Variants in COL4A2 observed in about 807,000 individuals in gnomAD.
The protein encoded by COL4A2 is collagen type IV alpha 2 chain.
A neutral mutation model predicts 200.2 loss-of-function variants in COL4A2; 99 were observed. The ratio of observed to expected loss-of-function variants is 0.49; its 90% CI spans 0.42 to 0.58. The LOEUF is 0.58. Ranked by LOEUF, COL4A2 falls within the 20% of genes least tolerant of loss-of-function variation. The probability of loss-of-function intolerance (pLI) is 0.00; values close to 1 mark genes in which losing one functional copy is unlikely to be tolerated. For synonymous variants in COL4A2, 897 were observed against 900.6 expected (o/e 1.00, Z 0.07); for missense variants, 1,950 against 2,314.1 (o/e 0.84, Z 3.23).
At chr13:110,481,138 C>T (rs34937623) in intron 31 of COL4A2, among the ~76,000 whole-genome samples, 205 of 9,976 alleles carry the variant, frequency 0.021, 53 homozygotes, top group Middle Eastern at 0.083. Context: ...AGTTCTGTCC[C>T]TCCATTGCTG....
rs531544123 is a variant in COL4A2, at chr13:110,343,133, C to T, written c.100-14339C>T. The stretch of plus-strand genomic sequence containing the variant: ...TCTTTGCAACTTCATACTGCAGTGA[C>T]TGTGTGTGTGGTCTCTGATTGTCCA... On this transcript the variant is annotated intron_variant, in intron 3 of 47. Transcript: ENST00000360467. Among the ~76,000 whole-genome samples the T allele has an allele frequency of 8.5e-5, 13 of 152,270 alleles. No homozygotes were observed. The South Asian group carries it at 2.5e-3, about 29-fold the overall frequency.
chr13:110,485,554 A>G lies in COL4A2; in HGVS notation c.3026-101A>G. Reference sequence around the variant, plus strand: ...AAAAAAAAAAAAAAAAAAGATTCACAGCACGTAGGACAGCAAAATGCATCC... The same window carrying G: ...AAAAAAAAAAAAAAAAAAGATTCACGGCACGTAGGACAGCAAAATGCATCC... On this transcript the variant is annotated intron_variant, in intron 33 of 47. Transcript: ENST00000360467. 2 of 647,216 alleles carry G rather than the reference A, an allele frequency of 3.1e-6. 1 individual carries two copies. The highest frequency in any genetic ancestry group is 4.9e-5 in the South Asian group (2 of 40,888). The allele number at this position is 647,216 out of a possible 1,614,324, so 40.1% of individuals were successfully genotyped here. A position where few individuals can be genotyped will look rare whatever the true frequency, so the allele number is the denominator to read the frequency against.
At chr13:110,398,230 C>A (rs1252157825) in intron 4 of COL4A2, among the ~76,000 whole-genome samples, 2 of 151,516 alleles carry the variant, frequency 1.3e-5, no homozygotes, top group Non-Finnish European at 2.9e-5. Flanking sequence ...GAAATGTATT[C>A]AAGTGCAACT....
intron 4 of COL4A2, among the ~76,000 whole-genome samples, chr13:110,401,849 G>T (rs1879382639): frequency 6.6e-6 from 1 of 152,142 alleles, no homozygotes; most frequent in Non-Finnish European, 1.5e-5. Context: ...TGAGATCCAG[G>T]ATTCATAGAT....
In COL4A2 at chr13:110,307,727, G is replaced by A. The variant is rs1209436427; in HGVS notation, c.-44-133G>A. On this transcript the variant is annotated intron_variant, in intron 1 of 47. Transcript: ENST00000360467. This position sits in a 1 kb window ranked among gnomAD's most constrained non-coding sequence, Gnocchi z 5.0. ...TCTCCTTCTTTCCGGGTCGTGGGGG[G>A]GACGGCCCTCCGGTCACCCCTGCAT... The A allele has an allele frequency of 1.2e-6, 1 of 809,874 alleles. No homozygotes were observed. Among genetic ancestry groups the A allele is most frequent in the East Asian group, 2.8e-5 (1 of 36,284 alleles). The allele number at this position is 809,874 out of a possible 1,614,324, so 50.2% of individuals were successfully genotyped here. A position where few individuals can be genotyped will look rare whatever the true frequency, so the allele number is the denominator to read the frequency against.
chr13:110,452,226 C>T (rs1194518456), intron 20 of COL4A2, among the ~76,000 whole-genome samples: 18 of 152,190 alleles, frequency 1.2e-4, no homozygotes, highest in Admixed American at 1.1e-3. Context: ...CTCCGCCTCC[C>T]GGGTTCGTTC....
intron 4 of COL4A2, among the ~76,000 whole-genome samples, chr13:110,395,003 C>A (rs7326145): frequency 0.31 from 46,027 of 149,032 alleles, 7,107 homozygotes; most frequent in East Asian, 0.47. Flanking sequence ...TAGGGTGCAG[C>A]ACGTCTCCGG....
chr13:110,483,399 A>G (rs1181003958), intron 32 of COL4A2, among the ~76,000 whole-genome samples: 1 of 152,370 alleles, frequency 6.6e-6, no homozygotes, highest in South Asian at 2.1e-4. Context: ...TTCTACTCCT[A>G]GATGAAGATC....
At chr13:110,426,920 A>C (rs900293952) in intron 6 of COL4A2, among the ~76,000 whole-genome samples, 6 of 89,156 alleles carry the variant, frequency 6.7e-5, no homozygotes, top group Admixed American at 6.3e-4. Flanking sequence ...CCAGCTCTGC[A>C]AACAGATCGA....
At position 110,478,069 on chromosome 13, in the gene COL4A2, A is replaced by G. The variant is rs1467033339; in HGVS notation, c.2492A>G (p.Gln831Arg). 6.2e-7 allele frequency: 1 copy of G among 1,608,224 alleles called. No individual in the cohort carries two copies. The highest frequency in any genetic ancestry group is 2.2e-5 in the East Asian group (1 of 44,728). ...CCAGGCCTCCCAGGACCTTCCGGCC[A>G]GCCAGGCCTGTATGGGCCTCCAGGA... The part of the protein sequence containing the change: ...GQPGLPGPSG[Q>R]PGLYGPPGLH... Residue 831 changes from glutamine (Q) to arginine (R), a missense_variant, in exon 30 of 48, where the codon CAG (glutamine) becomes CGG (arginine). Coordinates refer to ENST00000360467, the MANE Select transcript of COL4A2 (RefSeq NM_001846.4).
At chr13:110,363,981 G>A (rs927223400) in intron 4 of COL4A2, among the ~76,000 whole-genome samples, 10 of 152,188 alleles carry the variant, frequency 6.6e-5, no homozygotes, top group Admixed American at 1.3e-4. Context: ...GATTATAGGC[G>A]TGAGCCACTG....
chr13:110,369,398 T>C (rs1289544512), intron 4 of COL4A2, among the ~76,000 whole-genome samples: 2 of 152,136 alleles, frequency 1.3e-5, no homozygotes, highest in East Asian at 3.9e-4. Flanking sequence ...TTAGGGTTGC[T>C]CAACCAGTAA....
chr13:110,379,757 C>A (rs545636924), intron 4 of COL4A2, among the ~76,000 whole-genome samples: 2 of 152,262 alleles, frequency 1.3e-5, no homozygotes, highest in African/African-American at 2.4e-5. Context: ...GTTGATGAGC[C>A]CCCCACTCCC....
rs62621885 is a variant in COL4A2 at position 110,430,425 on chromosome 13, G to T, written c.574G>T (p.Val192Phe). The T allele has an allele frequency of 8.6e-3, 13,866 of 1,614,134 alleles. 117 individuals are homozygous for T. The highest frequency in any genetic ancestry group is 0.031 in the Admixed American group (1,831 of 60,010). ...GGGTGAACCTGGAGAGCCTGGATTG[G>T]TCGGTTTCCAGGTAAGTTTATTTTT... ...YRGEPGEPGL[V>F]GFQGPPGRPG... Residue 192 changes from valine to phenylalanine, a missense_variant, in exon 9 of 48, where the codon GTC (valine) becomes TTC (phenylalanine). By Grantham distance (50) the Val-to-Phe change is conservative. Coordinates refer to ENST00000360467, the MANE Select transcript of COL4A2 (RefSeq NM_001846.4).
intron 3 of COL4A2, among the ~76,000 whole-genome samples, chr13:110,324,374 A>G (rs546292268): frequency 1.3e-5 from 2 of 152,240 alleles, no homozygotes; most frequent in African/African-American, 4.8e-5. Flanking sequence ...CCTTCTTGAC[A>G]CCTGTCCTGC....
At chr13:110,497,665 G>T (rs1883504261) in intron 40 of COL4A2, among the ~76,000 whole-genome samples, 1 of 151,836 alleles carries the variant, frequency 6.6e-6, no homozygotes, top group African/African-American at 2.4e-5. Context: ...TCAGGACTGA[G>T]GATTTAGGTC....
rs556312298 is a variant in COL4A2 at position 110,491,166 on chromosome 13, C to T, written c.3347-67C>T. The T allele has an allele frequency of 9.6e-5, 103 of 1,073,140 alleles. 1 individual carries two copies. Among genetic ancestry groups the T allele is most frequent in the Non-Finnish European group, 1.4e-4 (97 of 711,478 alleles). The allele number at this position is 1,073,140 out of a possible 1,614,324, so 66.5% of individuals were successfully genotyped here. ...AGTGTGGTTCTGCACATCCTAGAGCCGGGGTTCCAGGGAACCCACAGGGGC... is the reference window on the plus strand; with the variant it reads ...AGTGTGGTTCTGCACATCCTAGAGCTGGGGTTCCAGGGAACCCACAGGGGC... On this transcript the variant is annotated intron_variant, in intron 36 of 47. Coordinates refer to ENST00000360467, the MANE Select transcript of COL4A2 (RefSeq NM_001846.4).
At chr13:110,334,790 AAAG>A (rs1876098113) in intron 3 of COL4A2, among the ~76,000 whole-genome samples, 3 of 152,242 alleles carry the variant, frequency 2.0e-5, no homozygotes, top group African/African-American at 7.2e-5. Context: ...ATGTGAAGAC[AAAG>A]TAAAGATGCA....
At chr13:110,341,668 C>T (rs752721955) in intron 3 of COL4A2, among the ~76,000 whole-genome samples, 35 of 152,196 alleles carry the variant, frequency 2.3e-4, no homozygotes, top group Non-Finnish European at 2.9e-4. Flanking sequence ...GCTTTAAAGA[C>T]GCCAGGCTGA....
Sources: allele counts gnomAD v4.1 joint callset (sites outside exome capture counted in the v4.1 genomes callset), GRCh38; gene constraint gnomAD v4.1.1; non-coding constraint Gnocchi (gnomAD v3.1); transcripts MANE v1.5; gene names NCBI Gene and HGNC (gene_info 2026-07-23, HGNC 2026-07-21).